The following SEC16B variants were observed in gnomAD, a reference collection of about 807,000 sequenced individuals.
SEC16B encodes SEC16 homolog B, endoplasmic reticulum export factor, also known as protein transport protein Sec16B.
SEC16B carries 115 observed loss-of-function variants against 141.8 expected under a neutral mutation model. The observed-to-expected ratio is 0.81, with a 90% CI of 0.70 to 0.95. SEC16B has a LOEUF of 0.95. Ranked by LOEUF, SEC16B falls within the 40% of genes least tolerant of loss-of-function variation. The pLI is 0.00. For synonymous variants in SEC16B, 493 were observed against 492.5 expected (o/e 1.00, Z -0.01); for missense variants, 1,291 against 1,312.3 (o/e 0.98, Z 0.25).
At chr1:177,978,747 C>A (rs200787218) in intron 1 of SEC16B, among the ~76,000 whole-genome samples, 15,446 of 125,178 alleles carry the variant, frequency 0.12, 1,080 homozygotes, top group East Asian at 0.4. Context: ...AAATAAATAG[C>A]ATAGCAGAAA....
chr1:177,958,440 C>G, intron 9 of SEC16B, 78 bp from the exon 10 acceptor site: 1 of 1,211,186 alleles, frequency 8.3e-7, no homozygotes, highest in Non-Finnish European at 1.1e-6. Context: ...AAGGAAGGCA[C>G]CAGGGAGCCT....
intron 1 of SEC16B, among the ~76,000 whole-genome samples, chr1:177,983,895 T>A (rs1000613284): frequency 6.6e-6 from 1 of 152,228 alleles, no homozygotes; most frequent in Non-Finnish European, 1.5e-5. Context: ...CGTGTTCTTT[T>A]GCACATTAAC....
Position 177,933,585 on chromosome 1 carries a change from C to T in SEC16B, c.2623G>A (p.Ala875Thr), listed in dbSNP as rs904797281. The part of the protein sequence containing the change: ...RSISESSASS[A>T]KEDEKESSDE... Reference sequence around the variant, plus strand: ...GAGGACTCCTTCTCATCCTCCTTGGCTGAACTGGCGGAACTCTCAGAAATA... The same window carrying T: ...GAGGACTCCTTCTCATCCTCCTTGGTTGAACTGGCGGAACTCTCAGAAATA... The change falls in exon 21 of 26, where the codon GCC (alanine) becomes ACC (threonine). Residue 875 changes from alanine (A) to threonine (T), a missense_variant. This residue lies in a region of SEC16B where 605 missense variants were observed against 614.1 expected (regional missense o/e 0.99). Coordinates refer to ENST00000308284, the MANE Select transcript of SEC16B (RefSeq NM_033127.4). 2.5e-6 allele frequency: 4 copies of T among 1,613,888 alleles called. No individual in the cohort carries two copies. The highest frequency in any genetic ancestry group is 1.3e-5 in the African/African-American group (1 of 74,934).
rs1653260498 is a variant in SEC16B, at chr1:177,963,584, C to CA, written c.642+586dup. 2.0e-5 allele frequency among the ~76,000 whole-genome samples: 3 copies of CA among 152,204 alleles called. No individual in the cohort carries two copies. The South Asian group carries it at 6.2e-4, about 32-fold the overall frequency. On this transcript the variant is annotated intron_variant, in intron 5 of 25. Coordinates refer to ENST00000308284, the MANE Select transcript of SEC16B (RefSeq NM_033127.4). Reference sequence around the variant, plus strand: ...CACCACTGCACTTCAGCCTGGGCAACAGAGTGAGACTCTGTCTCAAAAGAA... The same window carrying CA: ...CACCACTGCACTTCAGCCTGGGCAACAAGAGTGAGACTCTGTCTCAAAAGAA...
intron 19 of SEC16B, 62 bp downstream of exon 19, chr1:177,937,152 T>A: frequency 6.6e-7 from 1 of 1,518,694 alleles, no homozygotes; most frequent in East Asian, 2.3e-5. Context: ...CACCTCCCTT[T>A]CCTGCTTCCT....
intron 24 of SEC16B, among the ~76,000 whole-genome samples, chr1:177,932,177 C>T (rs1236781305): frequency 8.5e-5 from 13 of 152,170 alleles, no homozygotes; most frequent in African/African-American, 2.4e-4. Context: ...AACACAGACA[C>T]GCTCAGAGGA....
intron 18 of SEC16B, among the ~76,000 whole-genome samples, chr1:177,938,110 G>A (rs761502186): frequency 5.1e-4 from 77 of 152,152 alleles, no homozygotes; most frequent in Non-Finnish European, 9.0e-4. Flanking sequence ...GATGAGCAAT[G>A]TTAGAACAAT....
intron 8 of SEC16B, 89 bp downstream of exon 8, chr1:177,960,243 TCCAAGGAAAC>T: frequency 1.2e-6 from 1 of 809,722 alleles, no homozygotes; most frequent in Non-Finnish European, 2.1e-6. Context: ...GATATTTTTT[TCCAAGGAAAC>T]CAAGAACAAA....
chr1:177,967,904 C>T lies in SEC16B; in HGVS notation c.78G>A (p.Gly26=). ...GCCGATGATGTCCATCTCTCCGAAACCCTCGGTCTGGATCCTTTGAGGGTG... is the reference window on the plus strand; with the variant it reads ...GCCGATGATGTCCATCTCTCCGAAATCCTCGGTCTGGATCCTTTGAGGGTG... ...ATAPSKDPDR[G]FRRDGHHRPV... is the part of the protein sequence containing the mutation. Residue 26 remains glycine, a synonymous_variant, in exon 2 of 26, where the codon GGG becomes GGA. Coordinates refer to ENST00000308284, the MANE Select transcript of SEC16B (RefSeq NM_033127.4). The T allele has an allele frequency of 6.2e-7, 1 of 1,613,994 alleles. No homozygotes were observed. The highest frequency in any genetic ancestry group is 8.5e-7 in the Non-Finnish European group (1 of 1,179,878).
chr1:177,965,846 C>T (rs1048325323), intron 3 of SEC16B, 47 bp downstream of exon 3: 9 of 1,223,776 alleles, frequency 7.4e-6, no homozygotes, highest in South Asian at 1.3e-5. Context: ...CTCAGACCAG[C>T]TGCCCCATCC....
intron 23 of SEC16B, 39 bp from the exon 24 acceptor site, chr1:177,932,608 G>T: frequency 6.6e-7 from 1 of 1,510,024 alleles, no homozygotes; most frequent in Non-Finnish European, 8.9e-7. Context: ...CTCTGCTCAG[G>T]ACTGGGGGTC....
chr1:177,961,341 T>C lies in SEC16B; in HGVS notation c.787+249A>G, dbSNP rs1047622471. The C allele has an allele frequency of 2.4e-5, 12 of 508,176 alleles. No individual in the cohort carries two copies. The East Asian group carries it at 3.5e-4, about 15-fold the overall frequency. 31.5% of individuals were successfully genotyped at this position (508,176 alleles called of 1,614,324 possible). A position where few individuals can be genotyped will look rare whatever the true frequency, so the allele number is the denominator to read the frequency against. ...GTCTTCCCTTTCTTAAAAGCACCAC[T>C]GAGTGCCTCCTTTCCCAACTTGATA... On this transcript the variant is annotated intron_variant, in intron 6 of 25. Transcript: ENST00000308284.
chr1:177,980,407 C>T (rs1195845493), intron 1 of SEC16B, among the ~76,000 whole-genome samples: 1 of 152,086 alleles, frequency 6.6e-6, no homozygotes, highest in Non-Finnish European at 1.5e-5. Flanking sequence ...AAAGCCTTTT[C>T]CCCATAGCTC....
intron 1 of SEC16B, among the ~76,000 whole-genome samples, chr1:177,976,297 C>T (rs1158501325): frequency 1.3e-5 from 2 of 152,178 alleles, no homozygotes; most frequent in Admixed American, 6.5e-5. Flanking sequence ...CTTCACCCCT[C>T]CCGTTTGATT....
intron 11 of SEC16B, 26 bp from the exon 12 acceptor site, chr1:177,952,021 G>C (rs1420189123): frequency 2.5e-6 from 4 of 1,574,354 alleles, no homozygotes; most frequent in Non-Finnish European, 3.5e-6. Context: ...TAGTCAGCGA[G>C]GACCAAGCCC....
intron 25 of SEC16B, among the ~76,000 whole-genome samples, chr1:177,930,265 C>T (rs1571301443): frequency 1.3e-5 from 2 of 152,302 alleles, no homozygotes; most frequent in South Asian, 4.1e-4. Flanking sequence ...CCAACACCAA[C>T]TGTGTCTCCC....
chr1:177,930,510 TC>T (rs1415836131), intron 25 of SEC16B, 34 bp downstream of exon 25: 1 of 1,493,916 alleles, frequency 6.7e-7, no homozygotes, highest in Non-Finnish European at 9.3e-7. Context: ...AAACCTGTAC[TC>T]CTGGCCAGCC....
At chr1:177,938,598 C>G (rs898693334) in intron 18 of SEC16B, among the ~76,000 whole-genome samples, 1 of 152,212 alleles carries the variant, frequency 6.6e-6, no homozygotes, top group African/African-American at 2.4e-5. Context: ...AGTCTCCTTT[C>G]CAAATGTACA....
chr1:177,946,180 C>T, intron 14 of SEC16B: 1 of 604,374 alleles, frequency 1.7e-6, no homozygotes, highest in Non-Finnish European at 3.0e-6. Flanking sequence ...CACACAAAGG[C>T]ATCAGCCCAC....
Sources: gnomAD v4.1 joint callset for allele counts (sites outside exome capture counted in the v4.1 genomes callset) on GRCh38, gnomAD v4.1.1 for gene constraint, gnomAD v4.1.1 regional missense constraint, MANE v1.5 for transcripts, NCBI Gene and HGNC (gene_info 2026-07-23, HGNC 2026-07-21) for gene names.